RFTN1: variants seen among roughly 807,000 people sequenced by gnomAD.
RFTN1 encodes raftlin, lipid raft linker 1.
In RFTN1, 26 loss-of-function variants were observed where a neutral mutation model predicts 46.5. The ratio of observed to expected loss-of-function variants is 0.56; its 90% CI spans 0.41 to 0.78. The LOEUF is 0.78. Ranked by LOEUF, RFTN1 falls within the 30% of genes least tolerant of loss-of-function variation. The probability of loss-of-function intolerance (pLI) is 0.00; values close to 1 mark genes in which losing one functional copy is unlikely to be tolerated. For missense variants in RFTN1, 693 were observed against 718.7 expected (o/e 0.96, Z 0.41); for synonymous variants, 261 against 284.2 (o/e 0.92, Z 0.82).
intron 7 of RFTN1, among the ~76,000 whole-genome samples, chr3:16,355,460 G>T (rs973455326): frequency 2.6e-5 from 4 of 152,242 alleles, no homozygotes; most frequent in South Asian, 2.1e-4. Flanking sequence ...TGCCATGTAG[G>T]TGTCCTTGCA....
chr3:16,346,740 A>G lies in RFTN1; in HGVS notation c.1146+11192T>C, dbSNP rs1430098072. Among the ~76,000 whole-genome samples, 2 of 152,218 alleles carry G rather than the reference A, an allele frequency of 1.3e-5. No individual in the cohort carries two copies. The highest frequency in any genetic ancestry group is 2.9e-5 in the Non-Finnish European group (2 of 68,034). ...AATAAAAAGGGACGTGTGGCAGGAA[A>G]AAACTGCCCCGTTCTTCACGGTTGT... On this transcript the variant is annotated intron_variant, in intron 7 of 9. Coordinates refer to ENST00000334133, the MANE Select transcript of RFTN1 (RefSeq NM_015150.2). This position sits in a 1 kb window ranked among gnomAD's most constrained non-coding sequence, Gnocchi z 4.4.
intron 2 of RFTN1, among the ~76,000 whole-genome samples, chr3:16,476,874 G>A (rs966930802): frequency 6.6e-6 from 1 of 152,154 alleles, no homozygotes; most frequent in African/African-American, 2.4e-5. Context: ...CAAGCCTGGA[G>A]AGAAATGAAT....
At position 16,450,791 on chromosome 3, in the gene RFTN1, T is replaced by C. The variant is rs758092040; in HGVS notation, c.146-16754A>G. Among the ~76,000 whole-genome samples the C allele has an allele frequency of 1.2e-3, 179 of 152,222 alleles. 1 individual carries two copies. The highest frequency in any genetic ancestry group is 2.3e-3 in the Non-Finnish European group (155 of 68,004). The stretch of plus-strand genomic sequence containing the variant: ...CAAGTCTCTTTCTTTCTTTTTTTTT[T>C]CCATCATAAGAAAACAAAGCCAAAG... On this transcript the variant is annotated intron_variant, in intron 2 of 9. Transcript: ENST00000334133. The surrounding 1 kb of genome is among the most constrained non-coding windows in gnomAD (Gnocchi z 4.6).
chr3:16,470,546 G>A (rs547626981), intron 2 of RFTN1, among the ~76,000 whole-genome samples: 1 of 152,316 alleles, frequency 6.6e-6, no homozygotes, highest in East Asian at 1.9e-4. Context: ...GAGAGAGCCA[G>A]AGAAAAGAGC....
chr3:16,340,853 CAA>C lies in RFTN1; in HGVS notation c.1147-13979_1147-13978del, dbSNP rs1165625641. Among the ~76,000 whole-genome samples the C allele has an allele frequency of 3.3e-5, 5 of 152,116 alleles. No homozygotes were observed. The East Asian group carries it at 9.6e-4, about 29-fold the overall frequency. On this transcript the variant is annotated intron_variant, in intron 7 of 9. Coordinates refer to ENST00000334133, the MANE Select transcript of RFTN1 (RefSeq NM_015150.2). Reference sequence around the variant, plus strand: ...CCCTAGTTTCAAAAAGTAAGGCCCTCAAGAGAATGAGAAGACAAGTCAAAGAC... The same window carrying C: ...CCCTAGTTTCAAAAAGTAAGGCCCTCGAGAATGAGAAGACAAGTCAAAGAC...
intron 3 of RFTN1, among the ~76,000 whole-genome samples, chr3:16,419,064 G>A (rs2075137953): frequency 6.6e-6 from 1 of 152,200 alleles, no homozygotes; most frequent in South Asian, 2.1e-4. Context: ...TTCTAGGCCT[G>A]AGAACAGAAA....
At position 16,428,940 on chromosome 3, in the gene RFTN1, A is replaced by C. The variant is rs1264722677; in HGVS notation, c.332+4911T>G. Among the ~76,000 whole-genome samples the C allele has an allele frequency of 6.6e-6, 1 of 152,272 alleles. No individual in the cohort carries two copies. The highest frequency in any genetic ancestry group is 1.5e-5 in the Non-Finnish European group (1 of 68,046). ...GATCACTTAACTATACTTAGAATTC[A>C]GAGTGAGTGCAACTATATTGTCTAT... On this transcript the variant is annotated intron_variant, in intron 3 of 9. Coordinates refer to ENST00000334133, the MANE Select transcript of RFTN1 (RefSeq NM_015150.2). This position sits in a 1 kb window ranked among gnomAD's most constrained non-coding sequence, Gnocchi z 4.7.
intron 6 of RFTN1, among the ~76,000 whole-genome samples, chr3:16,368,174 T>C (rs955679227): frequency 6.6e-6 from 1 of 152,090 alleles, no homozygotes; most frequent in African/African-American, 2.4e-5. Flanking sequence ...CTGACACTGA[T>C]ATGTCAGGCT....
At chr3:16,501,353 TAA>T (rs1052927700) in intron 1 of RFTN1, among the ~76,000 whole-genome samples, 6 of 152,218 alleles carry the variant, frequency 3.9e-5, no homozygotes, top group African/African-American at 1.4e-4. Context: ...ATCACCTTCT[TAA>T]AAGACTATTT....
chr3:16,415,037 C>T (rs1360062931), intron 3 of RFTN1, among the ~76,000 whole-genome samples: 4 of 152,120 alleles, frequency 2.6e-5, no homozygotes, highest in Non-Finnish European at 5.9e-5. Context: ...TAAAAGGATC[C>T]CTCTGGCTGT....
Position 16,473,127 on chromosome 3 carries a change from C to T in RFTN1, c.145+20598G>A, listed in dbSNP as rs183354113. Among the ~76,000 whole-genome samples, 60 of 152,356 alleles carry T rather than the reference C, an allele frequency of 3.9e-4. No individual in the cohort carries two copies. Among genetic ancestry groups the T allele is most frequent in the African/African-American group, 1.2e-3 (48 of 41,582 alleles). ...TTTGGACAACCATGGTGTACACACA[C>T]GTACACACATACACAAACAGTACTT... is the stretch of plus-strand genomic sequence containing the variant. On this transcript the variant is annotated intron_variant, in intron 2 of 9. Coordinates refer to ENST00000334133, the MANE Select transcript of RFTN1 (RefSeq NM_015150.2). This position sits in a 1 kb window ranked among gnomAD's most constrained non-coding sequence, Gnocchi z 5.3.
chr3:16,512,861 C>G lies in RFTN1; in HGVS notation c.-9+581G>C, dbSNP rs1209040113. ...TGTGCTTCTGGTGGTTCCGGCGCTT[C>G]CTCGGAGCGCGCGGCATGTCTGCTC... On this transcript the variant is annotated intron_variant, in intron 1 of 9. Coordinates refer to ENST00000334133, the MANE Select transcript of RFTN1 (RefSeq NM_015150.2). The surrounding 1 kb of genome is among the most constrained non-coding windows in gnomAD (Gnocchi z 4.3). 6.6e-6 allele frequency: 1 copy of G among 152,248 alleles called. No homozygotes were observed. The highest frequency in any genetic ancestry group is 2.4e-5 in the African/African-American group (1 of 41,414). The allele number at this position is 152,248 out of a possible 1,614,324, so 9.4% of individuals were successfully genotyped here. A position where few individuals can be genotyped will look rare whatever the true frequency, so the allele number is the denominator to read the frequency against.
rs1315972295 is a variant in RFTN1 at position 16,384,874 on chromosome 3, TATCC to T, written c.442-6776_442-6773del. 7.2e-5 allele frequency among the ~76,000 whole-genome samples: 11 copies of T among 152,100 alleles called. No individual in the cohort carries two copies. Among genetic ancestry groups the T allele is most frequent in the Non-Finnish European group, 1.3e-4 (9 of 68,020 alleles). On this transcript the variant is annotated intron_variant, in intron 4 of 9. Coordinates refer to ENST00000334133, the MANE Select transcript of RFTN1 (RefSeq NM_015150.2). The surrounding 1 kb of genome is among the most constrained non-coding windows in gnomAD (Gnocchi z 4.7). ...CCATGGACAGTGCAGGTGTAGAACA[TATCC>T]ATCATCATAGAACGTTCTATTGGGT...
chr3:16,405,568 C>T (rs947205062), intron 4 of RFTN1, among the ~76,000 whole-genome samples: 7 of 152,254 alleles, frequency 4.6e-5, no homozygotes, highest in African/African-American at 1.2e-4. Context: ...GCATAAATTA[C>T]GGCGTCTTCA....
At chr3:16,434,144 C>A in intron 2 of RFTN1, 107 bp from the exon 3 acceptor site, 2 of 929,608 alleles carry the variant, frequency 2.2e-6, no homozygotes, top group East Asian at 2.7e-5. Flanking sequence ...TAGGTCACTG[C>A]TAAAATGAGT....
Position 16,457,095 on chromosome 3 carries a change from A to G in RFTN1, c.146-23058T>C, listed in dbSNP as rs1437165706. 6.6e-6 allele frequency among the ~76,000 whole-genome samples: 1 copy of G among 152,220 alleles called. No individual in the cohort carries two copies. The highest frequency in any genetic ancestry group is 1.5e-5 in the Non-Finnish European group (1 of 68,034). Reference sequence around the variant, plus strand: ...TAGCTGGCAGGAAAACAGGCTCTTTAATCTTTTACAGTTCACCACATTTGT... The same window carrying G: ...TAGCTGGCAGGAAAACAGGCTCTTTGATCTTTTACAGTTCACCACATTTGT... On this transcript the variant is annotated intron_variant, in intron 2 of 9. Coordinates refer to ENST00000334133, the MANE Select transcript of RFTN1 (RefSeq NM_015150.2). This position sits in a 1 kb window ranked among gnomAD's most constrained non-coding sequence, Gnocchi z 4.2.
Position 16,450,609 on chromosome 3 carries a change from CCTGTCT to C in RFTN1, c.146-16578_146-16573del, listed in dbSNP as rs1401073816. Among the ~76,000 whole-genome samples, 2 of 152,216 alleles carry C rather than the reference CCTGTCT, an allele frequency of 1.3e-5. No individual in the cohort carries two copies. Among genetic ancestry groups the C allele is most frequent in the African/African-American group, 4.8e-5 (2 of 41,466 alleles). ...ACTAGGTCTTGGCCTGTCTCTACCT[CCTGTCT>C]CTAACTGCTCCTGAGGCAGGACAGG... On this transcript the variant is annotated intron_variant, in intron 2 of 9. Coordinates refer to ENST00000334133, the MANE Select transcript of RFTN1 (RefSeq NM_015150.2). The surrounding 1 kb of genome is among the most constrained non-coding windows in gnomAD (Gnocchi z 4.6).
At chr3:16,347,138 C>G (rs2071777045) in intron 7 of RFTN1, among the ~76,000 whole-genome samples, 1 of 152,214 alleles carries the variant, frequency 6.6e-6, no homozygotes, top group Non-Finnish European at 1.5e-5. Context: ...GTACAGCTCT[C>G]TGATGAAAAT....
At chr3:16,339,075 C>T (rs909675467) in intron 7 of RFTN1, among the ~76,000 whole-genome samples, 9 of 152,214 alleles carry the variant, frequency 5.9e-5, no homozygotes, top group Admixed American at 5.9e-4. Context: ...AGCCACACAA[C>T]ACACCATGTG....
Sources: allele counts gnomAD v4.1 joint callset (sites outside exome capture counted in the v4.1 genomes callset), GRCh38; gene constraint gnomAD v4.1.1; non-coding constraint Gnocchi (gnomAD v3.1); transcripts MANE v1.5; gene names NCBI Gene and HGNC (gene_info 2026-07-23, HGNC 2026-07-21).